The following CEP55 variants were observed in gnomAD, a reference collection of about 807,000 sequenced individuals.
CEP55 encodes centrosomal protein 55.
In CEP55, 57 loss-of-function variants were observed where a neutral mutation model predicts 63.2. That is an observed-to-expected ratio of 0.90 (90% CI 0.73 to 1.13). The LOEUF (loss-of-function observed/expected upper bound fraction) is 1.13, where lower values mean the gene tolerates loss of function less well. Among genes scored for constraint, CEP55 ranks in the 50% most tolerant of loss-of-function variants. CEP55 has a pLI of 0.00. For missense variants in CEP55, 456 were observed against 518.9 expected (o/e 0.88, Z 1.18); for synonymous variants, 178 against 191.6 (o/e 0.93, Z 0.59).
At chr10:93,504,837 CAG>C (rs1299489799) in intron 3 of CEP55, among the ~76,000 whole-genome samples, 1 of 152,042 alleles carries the variant, frequency 6.6e-6, no homozygotes, top group East Asian at 1.9e-4. Context: ...TTTTTTGAGA[CAG>C]AGTCTCATTT....
intron 8 of CEP55, among the ~76,000 whole-genome samples, chr10:93,524,187 C>T (rs999019955): frequency 1.5e-4 from 22 of 151,176 alleles, no homozygotes; most frequent in Admixed American, 9.9e-4. Flanking sequence ...ATTGATAGAC[C>T]GCTAGCAAGA....
chr10:93,503,447 C>G, intron 3 of CEP55, 59 bp downstream of exon 3: 7 of 1,490,290 alleles, frequency 4.7e-6, no homozygotes, highest in Non-Finnish European at 5.5e-6. Context: ...GTTTGTAATT[C>G]TTAGGAGGAA....
chr10:93,525,071 T>C (rs1340258036), intron 8 of CEP55, among the ~76,000 whole-genome samples: 1 of 151,504 alleles, frequency 6.6e-6, no homozygotes, highest in Non-Finnish European at 1.5e-5. Flanking sequence ...TTCAACATAG[T>C]GTTGGAAGTT....
chr10:93,502,159 C>A (rs1373653278), intron 2 of CEP55, among the ~76,000 whole-genome samples: 57 of 152,110 alleles, frequency 3.7e-4, no homozygotes, highest in Non-Finnish European at 7.4e-5. Flanking sequence ...TTATTCATAT[C>A]CCTCCTGAAT....
chr10:93,519,480 G>A (rs777251608), intron 7 of CEP55, among the ~76,000 whole-genome samples: 4 of 152,136 alleles, frequency 2.6e-5, no homozygotes, highest in East Asian at 1.9e-4. Context: ...ATACCTCAGC[G>A]TTGGCTTTGC....
At chr10:93,521,162 G>C (rs2057857499) in intron 8 of CEP55, among the ~76,000 whole-genome samples, 1 of 151,976 alleles carries the variant, frequency 6.6e-6, no homozygotes, top group South Asian at 2.1e-4. Context: ...CCTCACCCAG[G>C]AAGCGCAAGG....
chr10:93,499,217 C>G (rs2057605720), intron 1 of CEP55, among the ~76,000 whole-genome samples: 1 of 152,124 alleles, frequency 6.6e-6, no homozygotes. Context: ...GTTCTCTTCA[C>G]TTTTTCCCAC....
intron 1 of CEP55, 109 bp from the exon 2 acceptor site, chr10:93,499,931 G>T: frequency 1.4e-6 from 1 of 727,268 alleles, no homozygotes; most frequent in Non-Finnish European, 2.2e-6. Context: ...TACCCTGCTG[G>T]TTTGGATATA....
intron 8 of CEP55, among the ~76,000 whole-genome samples, chr10:93,522,419 A>G (rs1228260289): frequency 1.3e-5 from 2 of 152,256 alleles, no homozygotes; most frequent in Non-Finnish European, 2.9e-5. Flanking sequence ...CAAAGCCTCC[A>G]AGAAATATGG....
chr10:93,510,467 C>T (rs1184631391), intron 4 of CEP55: 2 of 152,172 alleles, frequency 1.3e-5, no homozygotes, highest in African/African-American at 4.8e-5. Flanking sequence ...ATTTTGCACT[C>T]TGTTTTTCCT....
intron 4 of CEP55, among the ~76,000 whole-genome samples, chr10:93,514,663 C>G (rs952189142): frequency 1.6e-4 from 24 of 152,346 alleles, no homozygotes; most frequent in African/African-American, 5.5e-4. Context: ...TTGGCTGGGG[C>G]CAATCCAGCT....
At chr10:93,500,762 T>C (rs1014447521) in intron 2 of CEP55, among the ~76,000 whole-genome samples, 2 of 129,750 alleles carry the variant, frequency 1.5e-5, no homozygotes, top group African/African-American at 3.8e-5. Context: ...TTTTCCATAC[T>C]TTTTTTTTTT....
rs200560574 is a variant in CEP55, at chr10:93,528,502, T to G, written c.*349T>G. 1.6e-4 allele frequency: 5 copies of G among 30,654 alleles called. No homozygotes were observed. The highest frequency in any genetic ancestry group is 1.9e-3 in the South Asian group (2 of 1,070). The allele number at this position is 30,654 out of a possible 1,614,324, so 1.9% of individuals were successfully genotyped here. ...AGCAAAATATTTTATGTTTTGGGGG[T>G]TTTGAAAAATCAAAGATAATTAACC... On this transcript the variant is annotated 3_prime_UTR_variant, in exon 9 of 9. Transcript: ENST00000371485.
At chr10:93,503,017 A>C in intron 2 of CEP55, 96 bp from the exon 3 acceptor site, 1 of 1,187,440 alleles carries the variant, frequency 8.4e-7, no homozygotes. Flanking sequence ...TGCTGACTTG[A>C]TAATAAATGC....
At chr10:93,515,624 A>T in intron 5 of CEP55, 69 bp downstream of exon 5, 1 of 1,439,500 alleles carries the variant, frequency 6.9e-7, no homozygotes, top group Non-Finnish European at 9.4e-7. Flanking sequence ...GATTCATCAA[A>T]TTTAGATTTT....
At chr10:93,523,382 G>A (rs1036269277) in intron 8 of CEP55, among the ~76,000 whole-genome samples, 1 of 152,164 alleles carries the variant, frequency 6.6e-6, no homozygotes, top group Non-Finnish European at 1.5e-5. Flanking sequence ...TCAACAACAA[G>A]AGCTAACTAT....
intron 4 of CEP55, among the ~76,000 whole-genome samples, chr10:93,514,832 G>C (rs2057786409): frequency 6.6e-6 from 1 of 152,178 alleles, no homozygotes; most frequent in African/African-American, 2.4e-5. Flanking sequence ...GAGTGCAGGG[G>C]CATGATCTCA....
chr10:93,515,970 A>G (rs913944951), intron 5 of CEP55, among the ~76,000 whole-genome samples: 26 of 152,198 alleles, frequency 1.7e-4, no homozygotes, highest in African/African-American at 5.8e-4. Flanking sequence ...TTTGAACTTC[A>G]GGTATAGAAT....
intron 2 of CEP55, among the ~76,000 whole-genome samples, chr10:93,501,370 T>C (rs978725241): frequency 1.6e-4 from 25 of 152,342 alleles, no homozygotes; most frequent in Middle Eastern, 3.4e-3. Context: ...TTTGCAAAAG[T>C]GCTTTTATTG....
Sources: gnomAD v4.1 joint callset for allele counts (sites outside exome capture counted in the v4.1 genomes callset) on GRCh38, gnomAD v4.1.1 for gene constraint, MANE v1.5 for transcripts, NCBI Gene and HGNC (gene_info 2026-07-23, HGNC 2026-07-21) for gene names.